The following ZNF385B variants were observed in gnomAD, a reference collection of about 807,000 sequenced individuals.
ZNF385B encodes the protein zinc finger protein 385B.
In ZNF385B, 23 loss-of-function variants were observed where a neutral mutation model predicts 39.2. The observed-to-expected ratio is 0.59, with a 90% CI of 0.42 to 0.83. The LOEUF is 0.83. Ranked by LOEUF, ZNF385B falls within the 40% of genes least tolerant of loss-of-function variation. The probability of loss-of-function intolerance (pLI) is 0.00; values close to 1 mark genes in which losing one functional copy is unlikely to be tolerated. For missense variants in ZNF385B, 552 were observed against 598.9 expected (o/e 0.92, Z 0.82); for synonymous variants, 205 against 222.6 (o/e 0.92, Z 0.70).
chr2:179,675,858 G>A (rs553754257), intron 3 of ZNF385B, among the ~76,000 whole-genome samples: 16 of 151,254 alleles, frequency 1.1e-4, no homozygotes, highest in East Asian at 7.8e-4. Flanking sequence ...CATGATCTCC[G>A]CTCATTGCAA....
intron 4 of ZNF385B, among the ~76,000 whole-genome samples, chr2:179,532,158 G>A (rs1159375132): frequency 1.3e-5 from 2 of 152,160 alleles, no homozygotes; most frequent in Non-Finnish European, 2.9e-5. Context: ...GGAGGCTATG[G>A]TTCAAACCAA....
chr2:179,719,893 G>T (rs768055940), intron 3 of ZNF385B, among the ~76,000 whole-genome samples: 1 of 152,166 alleles, frequency 6.6e-6, no homozygotes, highest in African/African-American at 2.4e-5. Flanking sequence ...TCCCCGCAAG[G>T]TATACACTCA....
At chr2:179,760,223 C>CGTGCGTGCGTGTGT (rs1553525684) in intron 3 of ZNF385B, among the ~76,000 whole-genome samples, 50 of 144,550 alleles carry the variant, frequency 3.5e-4, no homozygotes, top group African/African-American at 1.2e-3. Context: ...TTCCTGTGTG[C>CGTGCGTGCGTGTGT]GTGTGTGTGT....
intron 3 of ZNF385B, among the ~76,000 whole-genome samples, chr2:179,550,357 A>G (rs946262912): frequency 2.7e-5 from 4 of 149,428 alleles, no homozygotes; most frequent in African/African-American, 1.0e-4. Context: ...CCCAAATCAA[A>G]TAGAATGCAA....
chr2:179,681,905 T>G (rs1697548979), intron 3 of ZNF385B, among the ~76,000 whole-genome samples: 1 of 152,210 alleles, frequency 6.6e-6, no homozygotes, highest in Non-Finnish European at 1.5e-5. Context: ...AGAAAACAAC[T>G]AATGACATGC....
intron 1 of ZNF385B, among the ~76,000 whole-genome samples, chr2:179,815,361 T>A (rs1706997599): frequency 6.6e-6 from 1 of 152,208 alleles, no homozygotes; most frequent in Non-Finnish European, 1.5e-5. Context: ...TCGGAGATGT[T>A]CACTTTTATT....
At chr2:179,444,759 G>C in intron 9 of ZNF385B, 117 bp downstream of exon 9, 3 of 836,582 alleles carry the variant, frequency 3.6e-6, no homozygotes, top group Non-Finnish European at 6.1e-6. Context: ...GTCTATGAGG[G>C]CTATTTAAAT....
At chr2:179,575,231 C>G (rs539487097) in intron 3 of ZNF385B, among the ~76,000 whole-genome samples, 2 of 152,012 alleles carry the variant, frequency 1.3e-5, no homozygotes, top group South Asian at 2.1e-4. Context: ...TGCGATATGA[C>G]AATAAAATTA....
At chr2:179,732,758 C>T (rs1179284817) in intron 3 of ZNF385B, among the ~76,000 whole-genome samples, 3 of 152,096 alleles carry the variant, frequency 2.0e-5, no homozygotes, top group Non-Finnish European at 4.4e-5. Context: ...GTAAGATCAC[C>T]CAGTGTTATG....
At chr2:179,757,790 C>T (rs986068837) in intron 3 of ZNF385B, among the ~76,000 whole-genome samples, 1 of 152,140 alleles carries the variant, frequency 6.6e-6, no homozygotes, top group Non-Finnish European at 1.5e-5. Flanking sequence ...CCTGGTGTGC[C>T]GTTTGCTAAG....
chr2:179,463,369 T>C (rs1279403272), intron 6 of ZNF385B, among the ~76,000 whole-genome samples: 1 of 152,046 alleles, frequency 6.6e-6, no homozygotes, highest in East Asian at 1.9e-4. Context: ...TTATTCTTAT[T>C]ATGCTTTAAG....
intron 3 of ZNF385B, among the ~76,000 whole-genome samples, chr2:179,720,234 T>G (rs545490211): frequency 1.6e-4 from 25 of 152,230 alleles, no homozygotes; most frequent in Admixed American, 7.2e-4. Context: ...GCCTAATTTT[T>G]GGGAGAAATA....
At chr2:179,665,833 TA>T (rs201783213) in intron 3 of ZNF385B, among the ~76,000 whole-genome samples, 3 of 151,516 alleles carry the variant, frequency 2.0e-5, no homozygotes, top group African/African-American at 2.4e-5. Context: ...TCTTTTCATT[TA>T]AAAAAAAATC....
chr2:179,493,784 C>CATATATGTATACATATATGTATATGCGT (rs1559338478), intron 5 of ZNF385B, among the ~76,000 whole-genome samples: 1 of 88,512 alleles, frequency 1.1e-5, no homozygotes, highest in African/African-American at 4.2e-5. Context: ...TGTATATACA[C>CATATATGTATACATATATGTATATGCGT]ATATGTATAC....
chr2:179,535,761 A>G (rs566173048), intron 4 of ZNF385B, among the ~76,000 whole-genome samples: 8 of 152,212 alleles, frequency 5.3e-5, no homozygotes, highest in Non-Finnish European at 1.2e-4. Flanking sequence ...TTTTTTCAAG[A>G]TTCCTACTGA....
rs115075525 is a variant in ZNF385B, at chr2:179,516,072, T to G, written c.552+2456A>C. Among the ~76,000 whole-genome samples the G allele has an allele frequency of 5.2e-3, 797 of 152,068 alleles. 9 individuals carry two copies. The highest frequency in any genetic ancestry group is 0.018 in the African/African-American group (757 of 41,526). On this transcript the variant is annotated intron_variant, in intron 5 of 9. Transcript: ENST00000410066. ...TCACTTAGCATACTGTCTTTGAGAT[T>G]CATCCACATTGTAGCATGTATCAGT...
intron 3 of ZNF385B, among the ~76,000 whole-genome samples, chr2:179,767,489 G>A (rs558074802): frequency 2.5e-4 from 38 of 152,214 alleles, no homozygotes; most frequent in African/African-American, 9.1e-4. Flanking sequence ...AAATAGAACC[G>A]AATCTTCTAA....
chr2:179,840,380 C>G (rs926237972), intron 1 of ZNF385B, among the ~76,000 whole-genome samples: 1 of 152,156 alleles, frequency 6.6e-6, no homozygotes, highest in Non-Finnish European at 1.5e-5. Flanking sequence ...CTTGGATTGT[C>G]TGTGCAAAAT....
intron 3 of ZNF385B, among the ~76,000 whole-genome samples, chr2:179,684,628 T>C (rs1443697903): frequency 1.3e-5 from 2 of 152,202 alleles, no homozygotes; most frequent in African/African-American, 4.8e-5. Flanking sequence ...ATTGTGCAAA[T>C]GATGCTTGTC....
Sources: allele counts gnomAD v4.1 joint callset (sites outside exome capture counted in the v4.1 genomes callset), GRCh38; gene constraint gnomAD v4.1.1; transcripts MANE v1.5; gene names NCBI Gene and HGNC (gene_info 2026-07-23, HGNC 2026-07-21).